FSIP1: variants seen among roughly 807,000 people sequenced by gnomAD.
The protein encoded by FSIP1 is fibrous sheath interacting protein 1.
A neutral mutation model predicts 60.9 loss-of-function variants in FSIP1; 65 were observed. The ratio of observed to expected loss-of-function variants is 1.07; its 90% CI spans 0.87 to 1.31. The LOEUF is 1.31. FSIP1 is among the 40% of genes most tolerant of loss of function. FSIP1 has a pLI of 0.00. For synonymous variants in FSIP1, 209 were observed against 221.2 expected, an observed-to-expected ratio of 0.94 and a Z score of 0.49; for missense variants, 675 against 665.5, an observed-to-expected ratio of 1.01 and a Z score of -0.16.
At chr15:39,633,442 AT>A (rs1161861887) in intron 10 of FSIP1, among the ~76,000 whole-genome samples, 3 of 152,046 alleles carry the variant, frequency 2.0e-5, no homozygotes, top group African/African-American at 7.2e-5. Flanking sequence ...AGTTTTTTTT[AT>A]TCGTAAAATG....
chr15:39,774,248 C>A (rs953355784), intron 2 of FSIP1, among the ~76,000 whole-genome samples: 2 of 152,142 alleles, frequency 1.3e-5, no homozygotes, highest in Non-Finnish European at 2.9e-5. Flanking sequence ...TTTGGGAGGC[C>A]AAGGCATGTG....
intron 10 of FSIP1, among the ~76,000 whole-genome samples, chr15:39,623,568 TAA>T (rs1349194338): frequency 6.6e-6 from 1 of 152,188 alleles, no homozygotes; most frequent in Non-Finnish European, 1.5e-5. Context: ...GACGAAGATA[TAA>T]GTTTATAGCT....
At chr15:39,704,484 C>T (rs950825800) in intron 10 of FSIP1, among the ~76,000 whole-genome samples, 20 of 152,178 alleles carry the variant, frequency 1.3e-4, no homozygotes, top group Non-Finnish European at 1.9e-4. Flanking sequence ...TGGGTGGCCA[C>T]AAATCTTAGC....
intron 11 of FSIP1, among the ~76,000 whole-genome samples, chr15:39,606,998 G>A (rs1198552750): frequency 6.6e-6 from 1 of 152,172 alleles, no homozygotes; most frequent in Non-Finnish European, 1.5e-5. Flanking sequence ...CTGAGGTTAA[G>A]TGTGACCTGA....
chr15:39,669,980 C>A (rs1017710976), intron 10 of FSIP1, among the ~76,000 whole-genome samples: 3 of 152,210 alleles, frequency 2.0e-5, no homozygotes, highest in African/African-American at 7.2e-5. Context: ...TTTCTTCCAA[C>A]CCTCCCGGAA....
chr15:39,754,736 A>G (rs1897254875), intron 5 of FSIP1, among the ~76,000 whole-genome samples: 1 of 152,134 alleles, frequency 6.6e-6, no homozygotes, highest in African/African-American at 2.4e-5. Context: ...AGTTTCAACA[A>G]TAGGAGGAAG....
intron 10 of FSIP1, among the ~76,000 whole-genome samples, chr15:39,640,727 CA>C (rs111962610): frequency 0.075 from 7,479 of 99,826 alleles, 566 homozygotes; most frequent in African/African-American, 0.21. Flanking sequence ...GATTTACAGA[CA>C]AAAAAAAAAA....
At chr15:39,681,622 C>T (rs1297316361) in intron 10 of FSIP1, among the ~76,000 whole-genome samples, 1 of 151,944 alleles carries the variant, frequency 6.6e-6, no homozygotes, top group Non-Finnish European at 1.5e-5. Context: ...GGATTTAAAG[C>T]AGCTTATAAC....
chr15:39,664,198 T>C (rs1352933011), intron 10 of FSIP1, among the ~76,000 whole-genome samples: 2 of 152,200 alleles, frequency 1.3e-5, no homozygotes, highest in Non-Finnish European at 2.9e-5. Context: ...AGGTAATTTA[T>C]TCTACTTAGA....
chr15:39,654,658 A>G (rs1485937860), intron 10 of FSIP1, among the ~76,000 whole-genome samples: 3 of 152,250 alleles, frequency 2.0e-5, no homozygotes, highest in Admixed American at 6.5e-5. Context: ...TCTCAGATAT[A>G]ACACGTATAT....
intron 6 of FSIP1, 32 bp from the exon 7 acceptor site, chr15:39,739,821 A>T: frequency 7.2e-7 from 1 of 1,390,926 alleles, no homozygotes; most frequent in South Asian, 1.3e-5. Context: ...ATTTTTTCAT[A>T]ATTAAAAGTG....
chr15:39,642,608 A>G (rs968086827), intron 10 of FSIP1, among the ~76,000 whole-genome samples: 17 of 152,384 alleles, frequency 1.1e-4, no homozygotes, highest in Non-Finnish European at 1.0e-4. Flanking sequence ...TACAAGATCA[A>G]AGTTATAAAC....
At chr15:39,743,462 C>A (rs28378723) in intron 5 of FSIP1, among the ~76,000 whole-genome samples, 21,070 of 151,986 alleles carry the variant, frequency 0.14, 2,421 homozygotes, top group African/African-American at 0.31. Context: ...CTGAATTCCA[C>A]ATCTCCCTTT....
intron 5 of FSIP1, among the ~76,000 whole-genome samples, chr15:39,750,953 G>A (rs1897143861): frequency 6.6e-6 from 1 of 151,718 alleles, no homozygotes; most frequent in African/African-American, 2.4e-5. Flanking sequence ...AACATAGCCT[G>A]ATTAAAAATG....
chr15:39,772,393 A>C (rs536059737), intron 2 of FSIP1, among the ~76,000 whole-genome samples: 2 of 152,046 alleles, frequency 1.3e-5, no homozygotes, highest in African/African-American at 4.8e-5. Flanking sequence ...CCTGGGCTCA[A>C]GCGATCCTCC....
downstream of FSIP1, chr15:39,598,942 G>A (rs983594053): frequency 1.3e-5 from 2 of 151,530 alleles, no homozygotes; most frequent in African/African-American, 4.9e-5. Context: ...TTATTTTTGA[G>A]ATGAAGTCTT....
chr15:39,744,777 TCACACACACACACACA>T (rs55691651), intron 5 of FSIP1, among the ~76,000 whole-genome samples: 1 of 137,966 alleles, frequency 7.2e-6, no homozygotes, highest in Non-Finnish European at 1.5e-5. Flanking sequence ...TCCCCCTCAG[TCACACACACACACACA>T]CACACACACA....
At chr15:39,779,982 C>A (rs1898194625) in intron 1 of FSIP1, among the ~76,000 whole-genome samples, 1 of 152,006 alleles carries the variant, frequency 6.6e-6, no homozygotes, top group African/African-American at 2.4e-5. Flanking sequence ...AGTTTTTTTA[C>A]TTTATATATT....
chr15:39,618,849 G>C (rs996082032), intron 10 of FSIP1, among the ~76,000 whole-genome samples: 2 of 152,030 alleles, frequency 1.3e-5, no homozygotes, highest in Admixed American at 6.6e-5. Flanking sequence ...TGAAAGTAGA[G>C]AGCCATGTCC....
Sources: allele counts gnomAD v4.1 joint callset (sites outside exome capture counted in the v4.1 genomes callset), GRCh38; gene constraint gnomAD v4.1.1; transcripts MANE v1.5; gene names NCBI Gene and HGNC (gene_info 2026-07-23, HGNC 2026-07-21).